PABPC4L: variants seen among roughly 807,000 people sequenced by gnomAD.
PABPC4L encodes the protein polyadenylate-binding protein 4-like.
For synonymous variants in PABPC4L, 169 were observed against 164.1 expected, an observed-to-expected ratio of 1.03 and a Z score of -0.23; for missense variants, 452 against 451.4, an observed-to-expected ratio of 1.00 and a Z score of -0.01.
chr4:133,954,808 T>G, the PABPC4L span, among the ~76,000 whole-genome samples: 1 of 152,190 alleles, frequency 6.6e-6, no homozygotes, highest in East Asian at 1.9e-4. Context: ...GGATAGGTTT[T>G]AACTCTGGGG....
the PABPC4L span, among the ~76,000 whole-genome samples, chr4:134,119,482 A>T: frequency 6.6e-6 from 1 of 151,798 alleles, no homozygotes; most frequent in East Asian, 1.9e-4. Flanking sequence ...GAAGGAAGAC[A>T]GAATAATGTT....
chr4:134,141,924 G>A, the PABPC4L span, among the ~76,000 whole-genome samples: 1 of 151,676 alleles, frequency 6.6e-6, no homozygotes, highest in Non-Finnish European at 1.5e-5. Context: ...ACAAAAGATT[G>A]TCACTTCTTT....
the PABPC4L span, among the ~76,000 whole-genome samples, chr4:134,132,974 T>C: frequency 7.0e-6 from 1 of 143,366 alleles, no homozygotes; most frequent in East Asian, 2.0e-4. Context: ...TATTATATAT[T>C]ATGTATATAA....
the PABPC4L span, among the ~76,000 whole-genome samples, chr4:134,000,470 C>T: frequency 6.6e-6 from 1 of 151,996 alleles, no homozygotes; most frequent in Non-Finnish European, 1.5e-5. Flanking sequence ...TTTATTCTGG[C>T]AATATAAAAA....
chr4:134,059,598 C>T, the PABPC4L span, among the ~76,000 whole-genome samples: 1 of 150,420 alleles, frequency 6.6e-6, no homozygotes, highest in African/African-American at 2.4e-5. Context: ...GAAATATGAA[C>T]AAGATATCAT....
the PABPC4L span, among the ~76,000 whole-genome samples, chr4:134,089,802 T>A: frequency 1.3e-5 from 2 of 152,038 alleles, no homozygotes; most frequent in Non-Finnish European, 2.9e-5. Flanking sequence ...TATGCCAGGA[T>A]TTTGGTATAC....
chr4:134,109,895 C>T, the PABPC4L span, among the ~76,000 whole-genome samples: 1 of 151,830 alleles, frequency 6.6e-6, no homozygotes, highest in Middle Eastern at 3.2e-3. Context: ...GCGTGTGCCA[C>T]CCAGAAACTC....
chr4:133,997,505 G>T, the PABPC4L span, among the ~76,000 whole-genome samples: 1 of 143,026 alleles, frequency 7.0e-6, no homozygotes, highest in Non-Finnish European at 1.5e-5. Flanking sequence ...TTAAAAAAAA[G>T]AAAAAAAAAC....
the PABPC4L span, among the ~76,000 whole-genome samples, chr4:134,054,338 T>C: frequency 6.7e-6 from 1 of 148,572 alleles, no homozygotes; most frequent in Non-Finnish European, 1.5e-5. Context: ...AAATAAATTT[T>C]TTTTTATTTT....
the PABPC4L span, among the ~76,000 whole-genome samples, chr4:133,975,811 T>C: frequency 2.0e-5 from 3 of 152,116 alleles, no homozygotes; most frequent in Non-Finnish European, 4.4e-5. Flanking sequence ...GTGAACATAC[T>C]TGGTGGTAGA....
chr4:134,114,869 T>TA, the PABPC4L span, among the ~76,000 whole-genome samples: 2 of 151,946 alleles, frequency 1.3e-5, no homozygotes, highest in Non-Finnish European at 2.9e-5. Flanking sequence ...CCTTTTATAG[T>TA]ACAAATAATA....
chr4:133,994,976 C>T, the PABPC4L span, among the ~76,000 whole-genome samples: 1 of 152,132 alleles, frequency 6.6e-6, no homozygotes, highest in Non-Finnish European at 1.5e-5. Flanking sequence ...TCTTTAAGGA[C>T]TAATTTTTTG....
chr4:134,192,610 C>T (rs1440464812), downstream of PABPC4L, among the ~76,000 whole-genome samples: 1 of 152,004 alleles, frequency 6.6e-6, no homozygotes, highest in African/African-American at 2.4e-5. Context: ...AACACAAAAG[C>T]AACCCAAATG....
the PABPC4L span, among the ~76,000 whole-genome samples, chr4:134,103,891 G>A: frequency 6.6e-6 from 1 of 151,564 alleles, no homozygotes; most frequent in Non-Finnish European, 1.5e-5. Context: ...TTGTCATCAG[G>A]TGCAATTTGT....
the PABPC4L span, among the ~76,000 whole-genome samples, chr4:133,997,053 G>C: frequency 6.6e-6 from 1 of 151,994 alleles, no homozygotes; most frequent in Admixed American, 6.6e-5. Context: ...AAAGCCTCTC[G>C]GCTTTCCAAG....
chr4:133,976,002 G>T, the PABPC4L span, among the ~76,000 whole-genome samples: 1 of 151,986 alleles, frequency 6.6e-6, no homozygotes, highest in Non-Finnish European at 1.5e-5. Context: ...GTCAGGATGT[G>T]CAGGTTTGTT....
chr4:134,076,206 A>G, the PABPC4L span, among the ~76,000 whole-genome samples: 24 of 152,168 alleles, frequency 1.6e-4, no homozygotes, highest in Non-Finnish European at 3.2e-4. Context: ...ACACTTCAAA[A>G]AGCCTTAAAA....
chr4:134,111,364 A>G, the PABPC4L span, among the ~76,000 whole-genome samples: 1 of 152,082 alleles, frequency 6.6e-6, no homozygotes. Context: ...GAGGAAAAAA[A>G]CATTCAAACG....
the PABPC4L span, among the ~76,000 whole-genome samples, chr4:134,018,226 A>C: frequency 6.6e-6 from 1 of 151,200 alleles, no homozygotes; most frequent in Admixed American, 6.6e-5. Context: ...TTTGACTGTA[A>C]TTTTCCTTTA....
Sources: gnomAD v4.1 joint callset for allele counts (sites outside exome capture counted in the v4.1 genomes callset) on GRCh38, gnomAD v4.1.1 for gene constraint, MANE v1.5 for transcripts, NCBI Gene and HGNC (gene_info 2026-07-23, HGNC 2026-07-21) for gene names.